ARHGEF10: variants seen among roughly 807,000 people sequenced by gnomAD.
ARHGEF10 encodes the protein Rho guanine nucleotide exchange factor 10.
ARHGEF10 carries 140 observed loss-of-function variants against 147.4 expected under a neutral mutation model. That is an observed-to-expected ratio of 0.95 (90% CI 0.83 to 1.09). The LOEUF (loss-of-function observed/expected upper bound fraction) is 1.09, where lower values mean the gene tolerates loss of function less well. Ranked by LOEUF, ARHGEF10 falls within the 50% of genes least tolerant of loss-of-function variation. ARHGEF10 has a pLI of 0.00. For synonymous variants in ARHGEF10, 902 were observed against 695.8 expected (o/e 1.30, Z -4.67); for missense variants, 2,222 against 1,752.7 (o/e 1.27, Z -4.78).
At chr8:1,954,049 A>C (rs956621556) in intron 28 of ARHGEF10, among the ~76,000 whole-genome samples, 1 of 152,124 alleles carries the variant, frequency 6.6e-6, no homozygotes, top group African/African-American at 2.4e-5. Context: ...GGGATTGTAC[A>C]TGTTGAGGAC....
chr8:1,878,537 A>G (rs1743532536), intron 8 of ARHGEF10, among the ~76,000 whole-genome samples: 1 of 152,204 alleles, frequency 6.6e-6, no homozygotes, highest in South Asian at 2.1e-4. Flanking sequence ...CGCTTGCTGT[A>G]GCTGAGTCAG....
rs527338211 is a variant in ARHGEF10, at chr8:1,876,376, C to A, written c.680-195C>A. On this transcript the variant is annotated intron_variant, in intron 7 of 28. Coordinates refer to ENST00000349830, the MANE Select transcript of ARHGEF10 (RefSeq NM_014629.4). ...CTGAAGTGCTTTTCCCCAGCCTCCC[C>A]GGCCCTGCCCGGGTGGTGGAGGCGC... 7.9e-6 allele frequency: 5 copies of A among 631,392 alleles called. No individual in the cohort carries two copies. The Admixed American group carries it at 1.0e-4, about 13-fold the overall frequency. 39.1% of individuals were successfully genotyped at this position (631,392 alleles called of 1,614,324 possible).
intron 21 of ARHGEF10, 136 bp from the exon 22 acceptor site, chr8:1,925,147 C>T: frequency 9.2e-7 from 1 of 1,089,792 alleles, no homozygotes; most frequent in Non-Finnish European, 1.3e-6. Flanking sequence ...CTGCTTTCCA[C>T]AAGTAAAACA....
At chr8:1,854,870 C>T (rs13261373) in intron 2 of ARHGEF10, among the ~76,000 whole-genome samples, 28,255 of 152,108 alleles carry the variant, frequency 0.19, 2,792 homozygotes, top group South Asian at 0.33. Context: ...GTGCCGGCTC[C>T]GAGAACGCAT....
At position 1,929,460 on chromosome 8, in the gene ARHGEF10, G is replaced by A. The variant is rs753916633; in HGVS notation, c.3079+17G>A. The A allele has an allele frequency of 5.6e-6, 9 of 1,593,552 alleles. No homozygotes were observed. In the African/African-American group the frequency reaches 6.8e-5, roughly 12 times the overall value. On this transcript the variant is annotated intron_variant, in intron 25 of 28. Transcript: ENST00000349830. ...GAGCCCCAGGTGAGGCGGGTCTCAC[G>A]GCCTCCTGGCCGGTCCTTGGGGTTC...
chr8:1,945,706 GT>G (rs1168508110), intron 27 of ARHGEF10, 51 bp downstream of exon 27: 1 of 1,610,466 alleles, frequency 6.2e-7, no homozygotes, highest in Non-Finnish European at 8.5e-7. Flanking sequence ...GGGGACGGAC[GT>G]GGGGGGTGCG....
At chr8:1,888,618 T>G (rs1386021865) in intron 11 of ARHGEF10, among the ~76,000 whole-genome samples, 1 of 129,648 alleles carries the variant, frequency 7.7e-6, no homozygotes, top group Non-Finnish European at 1.6e-5. Context: ...TGGTGAGGTT[T>G]GTGAGGAAAC....
chr8:1,851,913 CA>C (rs10716531), intron 2 of ARHGEF10, among the ~76,000 whole-genome samples: 64,550 of 142,438 alleles, frequency 0.45, 15,406 homozygotes, highest in Non-Finnish European at 0.56. Context: ...GACTCTGTCT[CA>C]AAAAAAAAAA....
At chr8:1,947,946 C>T (rs1814729090) in intron 27 of ARHGEF10, among the ~76,000 whole-genome samples, 1 of 152,038 alleles carries the variant, frequency 6.6e-6, no homozygotes, top group Admixed American at 6.5e-5. Context: ...GTCCTGCACC[C>T]ACCCAGAAAC....
At chr8:1,865,956 G>A (rs1488287303) in intron 5 of ARHGEF10, among the ~76,000 whole-genome samples, 2 of 152,208 alleles carry the variant, frequency 1.3e-5, no homozygotes, top group African/African-American at 4.8e-5. Flanking sequence ...CAGTGAGTCT[G>A]ACCTCATCAT....
At chr8:1,882,186 C>T (rs1415104748) in intron 9 of ARHGEF10, among the ~76,000 whole-genome samples, 2 of 152,186 alleles carry the variant, frequency 1.3e-5, no homozygotes, top group Non-Finnish European at 2.9e-5. Context: ...TGTAACCATG[C>T]GTGTGAGGCG....
At chr8:1,915,292 A>G (rs1811675013) in intron 18 of ARHGEF10, among the ~76,000 whole-genome samples, 1 of 152,226 alleles carries the variant, frequency 6.6e-6, no homozygotes, top group African/African-American at 2.4e-5. Context: ...TGGCATCTGA[A>G]GTGAATGGAG....
intron 25 of ARHGEF10, 78 bp downstream of exon 25, chr8:1,929,521 C>G: frequency 6.7e-7 from 1 of 1,498,310 alleles, no homozygotes; most frequent in Non-Finnish European, 8.9e-7. Flanking sequence ...AGCCTCCCCA[C>G]CTCCCCACCG....
At chr8:1,932,809 C>T (rs1409046150) in intron 25 of ARHGEF10, among the ~76,000 whole-genome samples, 1 of 152,190 alleles carries the variant, frequency 6.6e-6, no homozygotes, top group Non-Finnish European at 1.5e-5. Flanking sequence ...GCTTGAAATC[C>T]AGAACAAAGA....
chr8:1,945,675 C>T lies in ARHGEF10; in HGVS notation c.3397+20C>T, dbSNP rs1392015766. 6.2e-7 allele frequency: 1 copy of T among 1,614,046 alleles called. No individual in the cohort carries two copies. The highest frequency in any genetic ancestry group is 1.7e-5 in the Admixed American group (1 of 60,026). On this transcript the variant is annotated intron_variant, in intron 27 of 28. Transcript: ENST00000349830. Reference sequence around the variant, plus strand: ...TGCCAGGTAAGGGGACGGGACGGGGCCCAGGGATGGGACAGCAACCGGGGA... The same window carrying T: ...TGCCAGGTAAGGGGACGGGACGGGGTCCAGGGATGGGACAGCAACCGGGGA...
intron 8 of ARHGEF10, among the ~76,000 whole-genome samples, chr8:1,878,605 G>A (rs1316038554): frequency 6.6e-6 from 1 of 152,078 alleles, no homozygotes; most frequent in African/African-American, 2.4e-5. Context: ...CACAGATGGA[G>A]GCTCGGTGTG....
chr8:1,824,316 C>T (rs536584107), intron 1 of ARHGEF10, among the ~76,000 whole-genome samples: 1 of 152,076 alleles, frequency 6.6e-6, no homozygotes, highest in African/African-American at 2.4e-5. Flanking sequence ...CCCCCGGCCC[C>T]TCAGGATAAC....
intron 7 of ARHGEF10, among the ~76,000 whole-genome samples, chr8:1,873,453 C>A (rs76896388): frequency 8.0e-6 from 1 of 125,636 alleles, no homozygotes; most frequent in South Asian, 2.2e-4. Context: ...GTAGTGCACC[C>A]GCATTTCCTC....
At chr8:1,880,339 C>T (rs1371986338) in intron 9 of ARHGEF10, among the ~76,000 whole-genome samples, 175 bp downstream of exon 9, 1 of 152,238 alleles carries the variant, frequency 6.6e-6, no homozygotes, top group Non-Finnish European at 1.5e-5. Context: ...CTGTGCCTTT[C>T]ACTGTCTCCC....
Sources: gnomAD v4.1 joint callset for allele counts (sites outside exome capture counted in the v4.1 genomes callset) on GRCh38, gnomAD v4.1.1 for gene constraint, MANE v1.5 for transcripts, NCBI Gene and HGNC (gene_info 2026-07-23, HGNC 2026-07-21) for gene names.